DLGAP2: variants seen among roughly 807,000 people sequenced by gnomAD.
The protein encoded by DLGAP2 is disks large-associated protein 2.
Under a neutral mutation model 100.3 loss-of-function variants are expected in DLGAP2, and 26 were observed. That is an observed-to-expected ratio of 0.26 (90% CI 0.19 to 0.36). The LOEUF is 0.36. Among genes scored for constraint, DLGAP2 ranks in the 10% least tolerant of loss-of-function variants. The pLI is 1.00. For missense variants in DLGAP2, 1,858 were observed against 1,453.2 expected (o/e 1.28, Z -4.53); for synonymous variants, 886 against 630.1 (o/e 1.41, Z -6.08).
chr8:1,408,288 T>A (rs1796631491), intron 3 of DLGAP2, among the ~76,000 whole-genome samples: 1 of 152,250 alleles, frequency 6.6e-6, no homozygotes, highest in African/African-American at 2.4e-5. Context: ...TTGCTGATGA[T>A]CTGGGTCTGT....
chr8:1,020,901 C>G (rs1021967287), intron 2 of DLGAP2, among the ~76,000 whole-genome samples: 1 of 152,182 alleles, frequency 6.6e-6, no homozygotes, highest in African/African-American at 2.4e-5. Flanking sequence ...CCTGCCTCAT[C>G]CCCCATTCAT....
Position 1,626,039 on chromosome 8 carries a change from CTGGGTGTGGGT to C in DLGAP2, c.1443-697_1443-687del, listed in dbSNP as rs1222363023. 2.8e-4 allele frequency among the ~76,000 whole-genome samples: 34 copies of C among 120,932 alleles called. 1 individual carries two copies. Among genetic ancestry groups the C allele is most frequent in the African/African-American group, 1.1e-3 (27 of 25,002 alleles). 79.3% of individuals were successfully genotyped at this position (120,932 alleles called of 152,430 possible). On this transcript the variant is annotated intron_variant, in intron 6 of 14. Transcript: ENST00000637795. Reference sequence around the variant, plus strand: ...CTACCCTGTGGCGGGTGCTCAGCCTCTGGGTGTGGGTTGGATGGCTTTCCCATCTCTGGCCT... The same window carrying C: ...CTACCCTGTGGCGGGTGCTCAGCCTCTGGATGGCTTTCCCATCTCTGGCCT...
chr8:1,683,398 TG>T (rs1799009715), intron 12 of DLGAP2, among the ~76,000 whole-genome samples: 1 of 151,498 alleles, frequency 6.6e-6, no homozygotes, highest in African/African-American at 2.4e-5. Flanking sequence ...ATGTCAGCAC[TG>T]CCCTTCATCC....
chr8:737,630 A>T lies in DLGAP2; in HGVS notation c.-178A>T, dbSNP rs868129462. On this transcript the variant is annotated 5_prime_UTR_variant, in exon 1 of 15. Transcript: ENST00000637795. Reference sequence around the variant, plus strand: ...GAGTGCGCAGGCGCCGGCCGTGAAGACCGACCGTGCGCCGGGCTCGAGCGC... The same window carrying T: ...GAGTGCGCAGGCGCCGGCCGTGAAGTCCGACCGTGCGCCGGGCTCGAGCGC... 1 of 342,250 alleles carries T rather than the reference A, an allele frequency of 2.9e-6. No homozygotes were observed. 21.2% of individuals were successfully genotyped at this position (342,250 alleles called of 1,614,324 possible). A position where few individuals can be genotyped will look rare whatever the true frequency, so the allele number is the denominator to read the frequency against.
chr8:1,006,178 G>C (rs1253306785), intron 2 of DLGAP2, among the ~76,000 whole-genome samples: 1 of 152,128 alleles, frequency 6.6e-6, no homozygotes, highest in Non-Finnish European at 1.5e-5. Flanking sequence ...AACAGAGCGA[G>C]ACACCATCTC....
chr8:1,369,944 A>T (rs547614102), intron 3 of DLGAP2: 2 of 152,322 alleles, frequency 1.3e-5, no homozygotes, highest in South Asian at 4.1e-4. Context: ...GTGTGCAGAG[A>T]ACGTATGAGC....
intron 1 of DLGAP2, among the ~76,000 whole-genome samples, chr8:745,018 C>A (rs1360730463): frequency 6.6e-6 from 1 of 152,118 alleles, no homozygotes; most frequent in Non-Finnish European, 1.5e-5. Flanking sequence ...GGGTTTTAGG[C>A]CATGTCACTG....
intron 4 of DLGAP2, among the ~76,000 whole-genome samples, chr8:1,515,721 CAGAT>C (rs1160455904): frequency 1.3e-5 from 2 of 152,194 alleles, no homozygotes; most frequent in Non-Finnish European, 2.9e-5. Flanking sequence ...AACACATGCA[CAGAT>C]AGGCACACTC....
chr8:865,004 T>A (rs932913808), intron 1 of DLGAP2, among the ~76,000 whole-genome samples: 2 of 152,206 alleles, frequency 1.3e-5, no homozygotes, highest in African/African-American at 4.8e-5. Flanking sequence ...GTTGAACATC[T>A]GAATCTTTTC....
At chr8:761,578 G>T (rs1290928392) in intron 1 of DLGAP2, among the ~76,000 whole-genome samples, 1 of 152,224 alleles carries the variant, frequency 6.6e-6, no homozygotes, top group Non-Finnish European at 1.5e-5. Flanking sequence ...GGGGGATCCT[G>T]GCCGGGATGG....
intron 3 of DLGAP2, among the ~76,000 whole-genome samples, chr8:1,494,742 G>T (rs541890591): frequency 6.6e-6 from 1 of 151,846 alleles, no homozygotes; most frequent in African/African-American, 2.4e-5. Context: ...AAAAAGGAAA[G>T]AAAAGAAAAG....
intron 6 of DLGAP2, among the ~76,000 whole-genome samples, chr8:1,595,673 C>CAA (rs760901814): frequency 0.43 from 41,630 of 96,928 alleles, 7,593 homozygotes; most frequent in Non-Finnish European, 0.52. Flanking sequence ...GACTCCGTCT[C>CAA]AAAAAAAAAA....
chr8:1,244,422 G>A (rs4976866), intron 2 of DLGAP2, among the ~76,000 whole-genome samples: 30,718 of 152,210 alleles, frequency 0.2, 3,790 homozygotes, highest in African/African-American at 0.34. Flanking sequence ...AAAATATTGT[G>A]TTATAATGAG....
chr8:1,209,032 C>G (rs545482748), intron 2 of DLGAP2, among the ~76,000 whole-genome samples: 3 of 152,208 alleles, frequency 2.0e-5, no homozygotes, highest in African/African-American at 2.4e-5. Context: ...ACATCTCATG[C>G]TCATGGATGG....
intron 6 of DLGAP2, among the ~76,000 whole-genome samples, chr8:1,590,066 T>C (rs1796245267): frequency 6.6e-6 from 1 of 152,186 alleles, no homozygotes; most frequent in Non-Finnish European, 1.5e-5. Flanking sequence ...CGCCTCAGTG[T>C]CCGTGGCTGT....
intron 3 of DLGAP2, among the ~76,000 whole-genome samples, chr8:1,341,897 G>A (rs1457482142): frequency 6.6e-6 from 1 of 152,196 alleles, no homozygotes; most frequent in Non-Finnish European, 1.5e-5. Flanking sequence ...TAGCCTGCGG[G>A]TGAAGCAATT....
chr8:1,432,821 C>T (rs964098986), intron 3 of DLGAP2, among the ~76,000 whole-genome samples: 7 of 152,282 alleles, frequency 4.6e-5, no homozygotes, highest in Admixed American at 6.5e-5. Context: ...CAGCGGGAGT[C>T]GCCTGGTCCA....
chr8:1,023,180 T>G (rs1801677968), intron 2 of DLGAP2, among the ~76,000 whole-genome samples: 1 of 152,216 alleles, frequency 6.6e-6, no homozygotes, highest in Non-Finnish European at 1.5e-5. Flanking sequence ...TTTTCTTTTG[T>G]TCAGATGCCC....
intron 2 of DLGAP2, among the ~76,000 whole-genome samples, chr8:1,155,720 C>T (rs948284691): frequency 3.3e-5 from 5 of 152,174 alleles, no homozygotes; most frequent in South Asian, 4.1e-4. Flanking sequence ...TCTCACTTCC[C>T]CGTCCGCGCG....
Sources: allele counts gnomAD v4.1 joint callset (sites outside exome capture counted in the v4.1 genomes callset), GRCh38; gene constraint gnomAD v4.1.1; transcripts MANE v1.5; gene names NCBI Gene and HGNC (gene_info 2026-07-23, HGNC 2026-07-21).